Variants in UBE2J1 observed in about 807,000 individuals in gnomAD.
The protein encoded by UBE2J1 is ubiquitin-conjugating enzyme E2 J1.
In UBE2J1, 17 loss-of-function variants were observed where a neutral mutation model predicts 42.1. The observed-to-expected ratio is 0.40, with a 90% CI of 0.28 to 0.61. UBE2J1 has a LOEUF of 0.61. Among genes scored for constraint, UBE2J1 ranks in the 20% least tolerant of loss-of-function variants. The pLI, the probability that UBE2J1 is intolerant of heterozygous loss-of-function variation, is 0.38. For synonymous variants in UBE2J1, 127 were observed against 137.2 expected, an observed-to-expected ratio of 0.93 and a Z score of 0.52; for missense variants, 291 against 389.4, an observed-to-expected ratio of 0.75 and a Z score of 2.13.
At position 89,329,801 on chromosome 6, in the gene UBE2J1, C is replaced by T. The variant is rs1030806714; in HGVS notation, c.835G>A (p.Asp279Asn). 6.2e-7 allele frequency: 1 copy of T among 1,613,998 alleles called. No individual in the cohort carries two copies. ...GACCCACCATGATCAGTGTGGTTGT[C>T]TCTTGGCTGGTGGCCCTGGATTACA... Reference protein sequence around the residue: ...PDVIQGHQPRDNHTDHGGSAV... With the variant: ...PDVIQGHQPRNNHTDHGGSAV... The change falls in exon 8 of 8, where the codon GAC becomes AAC. Residue 279 changes from aspartate to asparagine, a missense_variant. This residue lies in a region of UBE2J1 where 176 missense variants were observed against 196.3 expected (regional missense o/e 0.90). Transcript: ENST00000435041.
intron 1 of UBE2J1, among the ~76,000 whole-genome samples, chr6:89,345,781 C>A (rs1220963190): frequency 6.6e-6 from 1 of 151,406 alleles, no homozygotes; most frequent in Admixed American, 6.6e-5. Flanking sequence ...ATGGCACATG[C>A]CTATAATCCC....
In UBE2J1 at chr6:89,330,135, A is replaced by G. The variant is rs528400118; in HGVS notation, c.679-178T>C. On this transcript the variant is annotated intron_variant, in intron 7 of 7. Transcript: ENST00000435041. ...GGGCATCTAAATTTAGGTTCAAAAA[A>G]AAGTCATAAGTTAGGACAGCTTTTT... Among the ~76,000 whole-genome samples, 24 of 152,304 alleles carry G rather than the reference A, an allele frequency of 1.6e-4. 1 individual carries two copies. The highest frequency in any genetic ancestry group is 5.1e-4 in the African/African-American group (21 of 41,538).
At chr6:89,343,370 G>C (rs7765384) in intron 2 of UBE2J1, among the ~76,000 whole-genome samples, 3,114 of 148,206 alleles carry the variant, frequency 0.021, 105 homozygotes, top group African/African-American at 0.076. Flanking sequence ...GGGAGGTAGA[G>C]GTTGCAGTGA....
At chr6:89,344,564 G>A (rs1768321843) in intron 1 of UBE2J1, among the ~76,000 whole-genome samples, 1 of 152,078 alleles carries the variant, frequency 6.6e-6, no homozygotes, top group African/African-American at 2.4e-5. Context: ...CTTATTTGCT[G>A]TCTATACCCA....
intron 5 of UBE2J1, among the ~76,000 whole-genome samples, chr6:89,336,130 T>C (rs1232192299): frequency 6.6e-6 from 1 of 152,212 alleles, no homozygotes; most frequent in Non-Finnish European, 1.5e-5. Flanking sequence ...ATAAAACATA[T>C]ATTGTTACAC....
intron 3 of UBE2J1, among the ~76,000 whole-genome samples, chr6:89,340,290 C>T (rs1250639916): frequency 6.6e-6 from 1 of 152,160 alleles, no homozygotes; most frequent in Non-Finnish European, 1.5e-5. Flanking sequence ...TTAGTATGAC[C>T]ATACCATTGG....
At chr6:89,332,090 G>C (rs1185815696) in intron 7 of UBE2J1, among the ~76,000 whole-genome samples, 3 of 152,064 alleles carry the variant, frequency 2.0e-5, no homozygotes, top group African/African-American at 7.2e-5. Context: ...ACTCACTCAA[G>C]ACTATTCACT....
chr6:89,339,206 C>T (rs908896720), intron 3 of UBE2J1, among the ~76,000 whole-genome samples: 11 of 151,170 alleles, frequency 7.3e-5, no homozygotes, highest in Admixed American at 2.6e-4. Context: ...AGGAGGATCA[C>T]TTGAGGCCAG....
intron 3 of UBE2J1, among the ~76,000 whole-genome samples, chr6:89,340,911 G>A (rs1214741375): frequency 6.6e-6 from 1 of 151,488 alleles, no homozygotes; most frequent in Non-Finnish European, 1.5e-5. Context: ...GAGTAGCTGG[G>A]ACTACAGGCG....
intron 7 of UBE2J1, 123 bp from the exon 8 acceptor site, chr6:89,330,080 A>G: frequency 1.0e-6 from 1 of 966,956 alleles, no homozygotes; most frequent in South Asian, 1.5e-5. Context: ...ACTACCAAGA[A>G]TGATTGTTAC....
chr6:89,341,725 TAAAAAA>T (rs76220211), intron 3 of UBE2J1, among the ~76,000 whole-genome samples: 3 of 139,926 alleles, frequency 2.1e-5, no homozygotes, highest in Non-Finnish European at 4.7e-5. Context: ...CCGTGTCTCT[TAAAAAA>T]AAAAAAAAGT....
chr6:89,330,036 C>A, intron 7 of UBE2J1, 79 bp from the exon 8 acceptor site: 1 of 1,409,136 alleles, frequency 7.1e-7, no homozygotes, highest in Non-Finnish European at 9.9e-7. Context: ...CAAGAATACA[C>A]AATCTCAGAG....
intron 6 of UBE2J1, among the ~76,000 whole-genome samples, chr6:89,334,106 C>T (rs1326695031): frequency 6.6e-6 from 1 of 152,092 alleles, no homozygotes; most frequent in East Asian, 1.9e-4. Flanking sequence ...CAGGTTCAAG[C>T]GATTCTCCTG....
At position 89,328,516 on chromosome 6, in the gene UBE2J1, T is replaced by C. The variant is rs1767946285; in HGVS notation, c.*1163A>G. 1 of 152,186 alleles carries C rather than the reference T, an allele frequency of 6.6e-6. No homozygotes were observed. Among genetic ancestry groups the C allele is most frequent in the Non-Finnish European group, 1.5e-5 (1 of 68,036 alleles). 9.4% of individuals were successfully genotyped at this position (152,186 alleles called of 1,614,324 possible). On this transcript the variant is annotated 3_prime_UTR_variant, in exon 8 of 8. Coordinates refer to ENST00000435041, the MANE Select transcript of UBE2J1 (RefSeq NM_016021.3). ...AATTAAATCTTCATTAACAACACCC[T>C]CAAGAGTGCCCTCAGTGCTGCGAAC...
intron 1 of UBE2J1, among the ~76,000 whole-genome samples, chr6:89,346,004 C>T (rs1318105279): frequency 1.3e-5 from 2 of 152,036 alleles, no homozygotes; most frequent in African/African-American, 2.4e-5. Context: ...AGTCCTCCCA[C>T]CTTGGCCTCC....
At chr6:89,342,705 G>C (rs1245872574) in intron 2 of UBE2J1, among the ~76,000 whole-genome samples, 3 of 152,050 alleles carry the variant, frequency 2.0e-5, no homozygotes, top group African/African-American at 7.2e-5. Context: ...AAATTTCTGA[G>C]TGTTGTTATA....
At chr6:89,350,557 A>G (rs1768455097) in intron 1 of UBE2J1, among the ~76,000 whole-genome samples, 1 of 152,144 alleles carries the variant, frequency 6.6e-6, no homozygotes, top group South Asian at 2.1e-4. Flanking sequence ...TAATTCACAC[A>G]CTAACAAAAA....
Position 89,329,697 on chromosome 6 carries a change from T to C in UBE2J1, c.939A>G (p.Ile313Met), listed in dbSNP as rs758611094. The change falls in exon 8 of 8, where the codon ATA becomes ATG. Residue 313 changes from isoleucine to methionine, a missense_variant. By Grantham distance (10) the Ile-to-Met change is conservative. Around this residue, in one of 2 missense-constraint regions of UBE2J1, gnomAD observed 176 missense variants for 196.3 expected, o/e 0.90. Coordinates refer to ENST00000435041, the MANE Select transcript of UBE2J1 (RefSeq NM_016021.3). ...AACCATATTATAACTCAAAGTCAAA[T>C]ATGTATTCGTTTGCCAGATATATTC... The part of the protein sequence containing the change: ...FRRIYLANEY[I>M]FDFEL 6.2e-7 allele frequency: 1 copy of C among 1,614,086 alleles called. No individual in the cohort carries two copies. Among genetic ancestry groups the C allele is most frequent in the Admixed American group, 1.7e-5 (1 of 60,012 alleles).
At chr6:89,331,422 T>A (rs1768006235) in intron 7 of UBE2J1, among the ~76,000 whole-genome samples, 1 of 152,208 alleles carries the variant, frequency 6.6e-6, no homozygotes, top group African/African-American at 2.4e-5. Context: ...ACTACTATAA[T>A]AACATCATTA....
Sources: gnomAD v4.1 joint callset for allele counts (sites outside exome capture counted in the v4.1 genomes callset) on GRCh38, gnomAD v4.1.1 for gene constraint, gnomAD v4.1.1 regional missense constraint, MANE v1.5 for transcripts, NCBI Gene and HGNC (gene_info 2026-07-23, HGNC 2026-07-21) for gene names.